ICE1: variants seen among roughly 807,000 people sequenced by gnomAD.
ICE1 encodes the protein interactor of little elongation complex ELL subunit 1.
A neutral mutation model predicts 192.7 loss-of-function variants in ICE1; 64 were observed. The observed-to-expected ratio is 0.33, with a 90% CI of 0.27 to 0.41. The LOEUF is 0.41. ICE1 is among the 10% of genes least tolerant of loss of function. ICE1 has a pLI of 1.00. For missense variants in ICE1, 2,708 were observed against 2,696.0 expected (o/e 1.00, Z -0.10); for synonymous variants, 1,010 against 984.5 (o/e 1.03, Z -0.49).
intron 18 of ICE1, among the ~76,000 whole-genome samples, chr5:5,488,728 C>A (rs1739696996): frequency 1.3e-5 from 2 of 152,082 alleles, no homozygotes; most frequent in South Asian, 4.1e-4. Flanking sequence ...TTCCAAAGTC[C>A]ATTTATAAAT....
chr5:5,487,993 T>A (rs1739676232), intron 18 of ICE1, among the ~76,000 whole-genome samples: 2 of 152,230 alleles, frequency 1.3e-5, no homozygotes, highest in Non-Finnish European at 2.9e-5. Context: ...TTTGCCCAGG[T>A]CTGTCCCTCT....
intron 10 of ICE1, among the ~76,000 whole-genome samples, chr5:5,452,949 T>C (rs1446174310): frequency 6.6e-6 from 1 of 152,156 alleles, no homozygotes; most frequent in Non-Finnish European, 1.5e-5. Context: ...CAACTAAGTG[T>C]GAAGTTAACG....
chr5:5,483,449 G>A (rs1443557218), intron 17 of ICE1, among the ~76,000 whole-genome samples: 2 of 152,194 alleles, frequency 1.3e-5, no homozygotes, highest in East Asian at 1.9e-4. Flanking sequence ...ATTAGTACAC[G>A]GGGTTTACTC....
intron 5 of ICE1, among the ~76,000 whole-genome samples, chr5:5,441,873 TTGTC>T (rs1419106344): frequency 6.6e-6 from 1 of 152,194 alleles, no homozygotes; most frequent in African/African-American, 2.4e-5. Flanking sequence ...TGGTTTCTCA[TTGTC>T]TGTGAGAGGT....
intron 10 of ICE1, among the ~76,000 whole-genome samples, chr5:5,453,103 CT>C (rs200603477): frequency 6.6e-5 from 10 of 150,598 alleles, no homozygotes; most frequent in Non-Finnish European, 1.3e-4. Flanking sequence ...AACTTTTTTT[CT>C]TTTTTTTTAA....
chr5:5,435,484 AAAGT>A (rs1332751149), intron 1 of ICE1, among the ~76,000 whole-genome samples: 2 of 152,124 alleles, frequency 1.3e-5, no homozygotes, highest in Non-Finnish European at 2.9e-5. Flanking sequence ...GTTATGTTTA[AAAGT>A]AAGTCCTTAT....
chr5:5,472,657 T>A (rs751022787), intron 15 of ICE1, among the ~76,000 whole-genome samples: 2 of 152,176 alleles, frequency 1.3e-5, no homozygotes, highest in Non-Finnish European at 2.9e-5. Flanking sequence ...ACTTAGAACC[T>A]TTCAGGATAT....
rs113097079 is a variant in ICE1, at chr5:5,448,185, T to C, written c.604+288T>C. 5.4e-3 allele frequency among the ~76,000 whole-genome samples: 824 copies of C among 152,312 alleles called. 6 individuals are homozygous for C. Among genetic ancestry groups the C allele is most frequent in the East Asian group, 0.028 (144 of 5,178 alleles). On this transcript the variant is annotated intron_variant, in intron 10 of 18. Coordinates refer to ENST00000296564, the MANE Select transcript of ICE1 (RefSeq NM_015325.3). ...TTCAATTAATGAATACAGATTTTTTTCTCTGGATTATAATTTATCAAATTA... is the reference window on the plus strand; with the variant it reads ...TTCAATTAATGAATACAGATTTTTTCCTCTGGATTATAATTTATCAAATTA...
At chr5:5,447,944 T>C in intron 10 of ICE1, 47 bp downstream of exon 10, 2 of 1,434,808 alleles carry the variant, frequency 1.4e-6, no homozygotes, top group Non-Finnish European at 1.9e-6. Context: ...TTGCTCTTAG[T>C]GGGTTGTGAG....
At chr5:5,483,189 T>C (rs1216901113) in intron 17 of ICE1, among the ~76,000 whole-genome samples, 1 of 151,846 alleles carries the variant, frequency 6.6e-6, no homozygotes, top group Non-Finnish European at 1.5e-5. Flanking sequence ...AGAGACAGAG[T>C]TTCTCCATGT....
In ICE1 at chr5:5,447,898, G is replaced by T; in HGVS notation, c.604+1G>T. 6.4e-7 allele frequency: 1 copy of T among 1,562,372 alleles called. No individual in the cohort carries two copies. Among genetic ancestry groups the T allele is most frequent in the Non-Finnish European group, 8.7e-7 (1 of 1,150,402 alleles). ...GATTCATATGGAAGCATAGATAAAA[G>T]TGAGTATATTGCAACTTTTGTTTTA... is the stretch of plus-strand genomic sequence containing the variant. On this transcript the variant is annotated splice_donor_variant, in intron 10 of 18. Coordinates refer to ENST00000296564, the MANE Select transcript of ICE1 (RefSeq NM_015325.3). LOFTEE classifies it high-confidence loss of function.
At chr5:5,472,362 A>G (rs1189531713) in intron 15 of ICE1, among the ~76,000 whole-genome samples, 2 of 152,184 alleles carry the variant, frequency 1.3e-5, no homozygotes, top group African/African-American at 4.8e-5. Context: ...AATTACAGCC[A>G]CACCTGAAAC....
intron 10 of ICE1, among the ~76,000 whole-genome samples, chr5:5,448,931 A>G (rs953759010): frequency 6.6e-6 from 1 of 152,234 alleles, no homozygotes; most frequent in Non-Finnish European, 1.5e-5. Context: ...GACTTTAAGT[A>G]ATAGTTACTG....
At chr5:5,478,929 C>G (rs1035265459) in intron 17 of ICE1, among the ~76,000 whole-genome samples, 2 of 152,148 alleles carry the variant, frequency 1.3e-5, no homozygotes, top group African/African-American at 4.8e-5. Context: ...CTTCCTTACA[C>G]CTTATACAAA....
chr5:5,438,284 C>T (rs568791945), intron 3 of ICE1, among the ~76,000 whole-genome samples: 3 of 152,222 alleles, frequency 2.0e-5, no homozygotes, highest in Non-Finnish European at 2.9e-5. Context: ...CAAGGTTCCA[C>T]CCCAGCACCT....
At position 5,463,163 on chromosome 5, in the gene ICE1, T is replaced by C. The variant is rs1344039185; in HGVS notation, c.3829T>C (p.Cys1277Arg). 1.2e-6 allele frequency: 2 copies of C among 1,612,198 alleles called. No individual in the cohort carries two copies. Among genetic ancestry groups the C allele is most frequent in the South Asian group, 2.2e-5 (2 of 90,602 alleles). Reference sequence around the variant, plus strand: ...AGAACTTCAAACAAATTCTGAAGATTGCAATGGTAAAGATACTGGCAGTTT... The same window carrying C: ...AGAACTTCAAACAAATTCTGAAGATCGCAATGGTAAAGATACTGGCAGTTT... ...RQELQTNSED[C>R]NGKDTGSLLL... The change falls in exon 13 of 19, where the codon TGC becomes CGC. Residue 1277 changes from cysteine to arginine, a missense_variant. Physicochemically the swap from Cys to Arg is radical, Grantham distance 180. Coordinates refer to ENST00000296564, the MANE Select transcript of ICE1 (RefSeq NM_015325.3).
rs1738843267 is a variant in ICE1 at position 5,462,911 on chromosome 5, G to A, written c.3577G>A (p.Val1193Ile). ...AGGGGATTATAGTTCAGGGGACTCT[G>A]TTTCTGAATGTTCTAGTAAAGGAAC... Reference protein sequence around the residue: ...QLGDYSSGDSVSECSSKGTLS... With the variant: ...QLGDYSSGDSISECSSKGTLS... The change falls in exon 13 of 19, where the codon GTT (valine) becomes ATT (isoleucine). Residue 1193 changes from valine to isoleucine, a missense_variant. By Grantham distance (29) the Val-to-Ile change is conservative. Transcript: ENST00000296564. 1.2e-6 allele frequency: 2 copies of A among 1,608,598 alleles called. No individual in the cohort carries two copies. Among genetic ancestry groups the A allele is most frequent in the South Asian group, 1.1e-5 (1 of 89,954 alleles).
chr5:5,465,920 A>G (rs1467992788), intron 13 of ICE1, among the ~76,000 whole-genome samples: 12 of 152,210 alleles, frequency 7.9e-5, no homozygotes, highest in Non-Finnish European at 1.5e-5. Context: ...TTAAATTTAA[A>G]CAGTATATAG....
rs779231382 is a variant in ICE1, at chr5:5,461,338, G to T, written c.2004G>T (p.Pro668=). The T allele has an allele frequency of 3.1e-6, 5 of 1,613,622 alleles. No individual in the cohort carries two copies. Among genetic ancestry groups the T allele is most frequent in the African/African-American group, 1.3e-5 (1 of 74,896 alleles). ...CTACTAAAGTATTCTCTACTGAACC[G>T]CATCATTCAGAACATAAATTGCAAA... is the stretch of plus-strand genomic sequence containing the variant. The part of the protein sequence containing the change: ...DITTKVFSTE[P]HHSEHKLQTK... The change falls in exon 13 of 19, where the codon CCG becomes CCT. Residue 668 remains proline, a synonymous_variant. Coordinates refer to ENST00000296564, the MANE Select transcript of ICE1 (RefSeq NM_015325.3).
Sources: allele counts gnomAD v4.1 joint callset (sites outside exome capture counted in the v4.1 genomes callset), GRCh38; gene constraint gnomAD v4.1.1; transcripts MANE v1.5; gene names NCBI Gene and HGNC (gene_info 2026-07-23, HGNC 2026-07-21).